The following B3GALNT2 variants were observed in gnomAD, a reference collection of about 807,000 sequenced individuals.
B3GALNT2 encodes UDP-GalNAc:beta-1,3-N-acetylgalactosaminyltransferase 2.
In B3GALNT2, 53 loss-of-function variants were observed where a neutral mutation model predicts 61.1. The observed-to-expected ratio is 0.87, with a 90% CI of 0.70 to 1.09. B3GALNT2 has a LOEUF of 1.09. Ranked by LOEUF, B3GALNT2 falls within the 50% of genes least tolerant of loss-of-function variation. The probability of loss-of-function intolerance (pLI) is 0.00; values close to 1 mark genes in which losing one functional copy is unlikely to be tolerated. For missense variants in B3GALNT2, 544 were observed against 623.0 expected (o/e 0.87, Z 1.35); for synonymous variants, 223 against 237.4 (o/e 0.94, Z 0.56).
chr1:235,500,638 T>C (rs2102873648), intron 1 of B3GALNT2, among the ~76,000 whole-genome samples: 1 of 152,276 alleles, frequency 6.6e-6, no homozygotes, highest in South Asian at 2.1e-4. Flanking sequence ...AGAAAACATG[T>C]GAGCCTGTCA....
In B3GALNT2 at chr1:235,448,790, C is replaced by T. The variant is rs905561514; in HGVS notation, c.*1416G>A. 1.4e-6 allele frequency: 2 copies of T among 1,468,026 alleles called. No individual in the cohort carries two copies. Among genetic ancestry groups the T allele is most frequent in the African/African-American group, 2.8e-5 (2 of 71,948 alleles). 90.9% of individuals were successfully genotyped at this position (1,468,026 alleles called of 1,614,324 possible). A position where few individuals can be genotyped will look rare whatever the true frequency, so the allele number is the denominator to read the frequency against. On this transcript the variant is annotated 3_prime_UTR_variant, in exon 12 of 12. Coordinates refer to ENST00000366600, the MANE Select transcript of B3GALNT2 (RefSeq NM_152490.5). Reference sequence around the variant, plus strand: ...ACCAACTAATAAAATTTAAAGACCACACTGCTTATCGTGTCTGGGGTTCAC... The same window carrying T: ...ACCAACTAATAAAATTTAAAGACCATACTGCTTATCGTGTCTGGGGTTCAC...
intron 6 of B3GALNT2, among the ~76,000 whole-genome samples, chr1:235,468,067 A>C (rs1683800362): frequency 6.6e-6 from 1 of 152,384 alleles, no homozygotes; most frequent in African/African-American, 2.4e-5. Flanking sequence ...GGCGTGAGCC[A>C]CAGCACCCAG....
At chr1:235,466,455 C>T (rs368161537) in intron 6 of B3GALNT2, among the ~76,000 whole-genome samples, 20 of 152,250 alleles carry the variant, frequency 1.3e-4, no homozygotes, top group African/African-American at 4.6e-4. Flanking sequence ...CTTGAACATA[C>T]AATCTTCCCA....
intron 3 of B3GALNT2, among the ~76,000 whole-genome samples, chr1:235,486,673 T>C (rs947959250): frequency 6.6e-6 from 1 of 152,230 alleles, no homozygotes; most frequent in African/African-American, 2.4e-5. Context: ...GTATTACATA[T>C]ATGAAAATGT....
Position 235,454,140 on chromosome 1 carries a change from A to T in B3GALNT2, c.1311+16T>A, listed in dbSNP as rs775008287. 6.3e-7 allele frequency: 1 copy of T among 1,585,748 alleles called. No homozygotes were observed. ...TGGCAAGAGCCACCACGCCAAGCTA[A>T]GAAATTCTTAATTACCTGATAGGTC... On this transcript the variant is annotated intron_variant, in intron 10 of 11. Transcript: ENST00000366600.
intron 1 of B3GALNT2, among the ~76,000 whole-genome samples, chr1:235,500,721 C>T (rs1253880783): frequency 6.6e-6 from 1 of 152,192 alleles, no homozygotes; most frequent in East Asian, 1.9e-4. Flanking sequence ...CTAGCACAGG[C>T]ATCAGCGGCC....
chr1:235,454,362 C>A, intron 9 of B3GALNT2, 47 bp from the exon 10 acceptor site: 1 of 1,503,066 alleles, frequency 6.7e-7, no homozygotes, highest in Non-Finnish European at 9.1e-7. Context: ...TGACACATAT[C>A]CTGCCACTAT....
At chr1:235,495,145 T>G (rs887298264) in intron 1 of B3GALNT2, among the ~76,000 whole-genome samples, 1 of 152,194 alleles carries the variant, frequency 6.6e-6, no homozygotes, top group African/African-American at 2.4e-5. Flanking sequence ...ATAGTAGGCA[T>G]TAAGAGTCAA....
At chr1:235,459,762 AG>A (rs1378177846) in intron 7 of B3GALNT2, among the ~76,000 whole-genome samples, 1 of 152,192 alleles carries the variant, frequency 6.6e-6, no homozygotes, top group Non-Finnish European at 1.5e-5. Context: ...GAGAACCACA[AG>A]GAAAAGGTTT....
intron 5 of B3GALNT2, among the ~76,000 whole-genome samples, chr1:235,474,970 TATATATATATATATA>T (rs1418876638): frequency 1.3e-3 from 46 of 34,498 alleles, no homozygotes; most frequent in East Asian, 3.6e-3. Flanking sequence ...TATATATATA[TATATATATATATATA>T]TATTTTTTTT....
At chr1:235,484,836 A>G (rs1684725342) in intron 3 of B3GALNT2, among the ~76,000 whole-genome samples, 1 of 152,248 alleles carries the variant, frequency 6.6e-6, no homozygotes, top group Non-Finnish European at 1.5e-5. Flanking sequence ...GAAGGCATCT[A>G]TTTGGAAGGG....
chr1:235,454,338 C>A, intron 9 of B3GALNT2, 23 bp from the exon 10 acceptor site: 1 of 1,593,558 alleles, frequency 6.3e-7, no homozygotes, highest in South Asian at 1.1e-5. Flanking sequence ...ATAATGTGGC[C>A]TCTTGTGTTA....
chr1:235,454,355 C>T (rs751320018), intron 9 of B3GALNT2, 40 bp from the exon 10 acceptor site: 3 of 1,539,406 alleles, frequency 1.9e-6, no homozygotes, highest in Admixed American at 1.8e-5. Context: ...GTTAGTCTGA[C>T]ACATATCCTG....
intron 5 of B3GALNT2, chr1:235,478,863 A>G (rs1341661950): frequency 6.6e-6 from 1 of 152,244 alleles, no homozygotes; most frequent in Non-Finnish European, 1.5e-5. Context: ...ATGAGATTCT[A>G]GTAGTCTTGT....
At chr1:235,500,033 C>A (rs892862746) in intron 1 of B3GALNT2, among the ~76,000 whole-genome samples, 52 of 152,290 alleles carry the variant, frequency 3.4e-4, no homozygotes, top group Non-Finnish European at 5.7e-4. Flanking sequence ...GAGAGGACAG[C>A]AGCAGCAGGT....
chr1:235,443,050 T>C, downstream of B3GALNT2: 1 of 830,526 alleles, frequency 1.2e-6, no homozygotes, highest in Non-Finnish European at 2.0e-6. Context: ...TTTTATATTC[T>C]AAAATACAAT....
intron 2 of B3GALNT2, among the ~76,000 whole-genome samples, chr1:235,489,834 G>C (rs1193032431): frequency 1.3e-5 from 2 of 152,086 alleles, no homozygotes; most frequent in Non-Finnish European, 1.5e-5. Context: ...GTCCTACAAA[G>C]AAATTAAAAC....
chr1:235,479,096 T>C (rs943786386), intron 5 of B3GALNT2: 16 of 152,214 alleles, frequency 1.1e-4, no homozygotes, highest in African/African-American at 3.9e-4. Flanking sequence ...AATTAACATA[T>C]AGTTTCAACT....
chr1:235,502,716 G>T (rs1685638254), intron 1 of B3GALNT2, among the ~76,000 whole-genome samples: 1 of 152,124 alleles, frequency 6.6e-6, no homozygotes, highest in East Asian at 1.9e-4. Flanking sequence ...TTCAGTTTTT[G>T]TTTGTTTTAC....
Sources: gnomAD v4.1 joint callset for allele counts (sites outside exome capture counted in the v4.1 genomes callset) on GRCh38, gnomAD v4.1.1 for gene constraint, MANE v1.5 for transcripts, NCBI Gene and HGNC (gene_info 2026-07-23, HGNC 2026-07-21) for gene names.